Variants in LAMA1 observed in about 807,000 individuals in gnomAD.
LAMA1 encodes laminin subunit alpha 1.
In LAMA1, 219 loss-of-function variants were observed where a neutral mutation model predicts 348.7. The ratio of observed to expected loss-of-function variants is 0.63; its 90% CI spans 0.56 to 0.70. The LOEUF (loss-of-function observed/expected upper bound fraction) is 0.70, where lower values mean the gene tolerates loss of function less well. Ranked by LOEUF, LAMA1 falls within the 30% of genes least tolerant of loss-of-function variation. The probability of loss-of-function intolerance (pLI) is 0.00; values close to 1 mark genes in which losing one functional copy is unlikely to be tolerated. For synonymous variants in LAMA1, 1,487 were observed against 1,491.0 expected, an observed-to-expected ratio of 1.00 and a Z score of 0.06; for missense variants, 3,744 against 3,888.0, an observed-to-expected ratio of 0.96 and a Z score of 0.99.
At chr18:7,025,426 T>G (rs2057938112) in intron 17 of LAMA1, among the ~76,000 whole-genome samples, 1 of 152,178 alleles carries the variant, frequency 6.6e-6, no homozygotes, top group Non-Finnish European at 1.5e-5. Context: ...CACCATCTGG[T>G]GGACAGGCCT....
At chr18:7,032,387 A>C (rs1388519761) in intron 15 of LAMA1, among the ~76,000 whole-genome samples, 6 of 152,172 alleles carry the variant, frequency 3.9e-5, no homozygotes. Flanking sequence ...CCAGTTCCTT[A>C]TTTCTTTTTA....
intron 45 of LAMA1, among the ~76,000 whole-genome samples, chr18:6,975,672 G>A (rs1486972515): frequency 5.9e-5 from 9 of 152,114 alleles, no homozygotes; most frequent in East Asian, 3.9e-4. Context: ...AGGGGTCAAC[G>A]GGGGAATCAC....
At chr18:7,091,142 C>G (rs1273295893) in intron 1 of LAMA1, among the ~76,000 whole-genome samples, 1 of 152,206 alleles carries the variant, frequency 6.6e-6, no homozygotes, top group Non-Finnish European at 1.5e-5. Flanking sequence ...GAGAAAAGAA[C>G]TTTAATTCAT....
intron 3 of LAMA1, among the ~76,000 whole-genome samples, chr18:7,070,945 A>G (rs898584224): frequency 6.0e-5 from 9 of 150,470 alleles, no homozygotes; most frequent in African/African-American, 2.2e-4. Context: ...ACCCAATTCT[A>G]TCAGCCACTG....
chr18:7,000,726 A>G lies in LAMA1; in HGVS notation c.4383-729T>C, dbSNP rs140605437. Among the ~76,000 whole-genome samples the G allele has an allele frequency of 3.3e-5, 5 of 152,346 alleles. No homozygotes were observed. The East Asian group carries it at 5.8e-4, about 18-fold the overall frequency. ...GTGCATGCAAACTACTGGAGACAAC[A>G]ATAAAAAACAAAACCAGTTAGAGCC... On this transcript the variant is annotated intron_variant, in intron 30 of 62. Transcript: ENST00000389658.
At chr18:7,015,321 G>A (rs1295125417) in intron 22 of LAMA1, among the ~76,000 whole-genome samples, 5 of 152,130 alleles carry the variant, frequency 3.3e-5, no homozygotes, top group Non-Finnish European at 7.3e-5. Flanking sequence ...TCAGGCTGAA[G>A]TGCAGTGTTG....
chr18:7,100,693 T>C (rs531143671), intron 1 of LAMA1, among the ~76,000 whole-genome samples: 1 of 152,210 alleles, frequency 6.6e-6, no homozygotes, highest in East Asian at 1.9e-4. Flanking sequence ...TAGAAAACAC[T>C]AACCGAGAGA....
At chr18:6,945,474 A>C (rs1355735612) in intron 61 of LAMA1, among the ~76,000 whole-genome samples, 1 of 152,164 alleles carries the variant, frequency 6.6e-6, no homozygotes, top group Non-Finnish European at 1.5e-5. Context: ...AGTCCTGGGG[A>C]ATCTAGAACA....
intron 1 of LAMA1, among the ~76,000 whole-genome samples, chr18:7,085,584 A>C (rs577290673): frequency 6.6e-6 from 1 of 151,806 alleles, no homozygotes; most frequent in East Asian, 1.9e-4. Context: ...AAGCCCGGCT[A>C]ATTTTTTGTA....
intron 16 of LAMA1, among the ~76,000 whole-genome samples, chr18:7,030,398 A>G (rs1312502703): frequency 6.6e-6 from 1 of 152,204 alleles, no homozygotes; most frequent in Non-Finnish European, 1.5e-5. Context: ...GAGACTAAAA[A>G]GGCAAAGTCA....
At chr18:7,003,423 T>G (rs1473833692) in intron 29 of LAMA1, among the ~76,000 whole-genome samples, 2 of 151,922 alleles carry the variant, frequency 1.3e-5, no homozygotes, top group Non-Finnish European at 2.9e-5. Context: ...GCTAATTTTA[T>G]TTTTATTTTT....
Position 6,993,687 on chromosome 18 carries a change from A to G in LAMA1, c.4962T>C (p.Ser1654=), listed in dbSNP as rs2057768363. 3 of 1,613,512 alleles carry G rather than the reference A, an allele frequency of 1.9e-6. No homozygotes were observed. The highest frequency in any genetic ancestry group is 1.3e-5 in the African/African-American group (1 of 74,740). The change falls in exon 35 of 63, where the codon AGT becomes AGC. Residue 1654 remains serine, a synonymous_variant. Transcript: ENST00000389658. The stretch of plus-strand genomic sequence containing the variant: ...TCTCAATGGCTATGGCCAGGTCTTG[A>G]CTCTCCTTGAAGATTCTCTCAGTTG... ...NRATERIFKE[S]QDLAIAIERL... is the part of the protein sequence containing the mutation.
chr18:7,013,747 A>G (rs1473958443), intron 23 of LAMA1, 68 bp downstream of exon 23: 1 of 1,479,948 alleles, frequency 6.8e-7, no homozygotes, highest in Non-Finnish European at 9.4e-7. Flanking sequence ...TTAGGTAAGT[A>G]GTCAAAGCCC....
chr18:6,980,625 T>C lies in LAMA1; in HGVS notation c.5903A>G (p.Glu1968Gly). 1 of 1,600,254 alleles carries C rather than the reference T, an allele frequency of 6.2e-7. No homozygotes were observed. Among genetic ancestry groups the C allele is most frequent in the South Asian group, 1.1e-5 (1 of 90,772 alleles). ...LSRKLPGIALELSELRNKTNR... is the reference protein window; with the variant it reads ...LSRKLPGIALGLSELRNKTNR... ...TGTCTTATTTCTCAATTCACTCAGT[T>C]CCAATGCAATACCTATTTAAAGGGA... Residue 1968 changes from glutamate (E) to glycine (G), a missense_variant, in exon 42 of 63, where the codon GAA (glutamate) becomes GGA (glycine). By Grantham distance (98) the Glu-to-Gly change is moderately conservative. Around this residue, in one of 3 missense-constraint regions of LAMA1, gnomAD observed 1,983 missense variants for 1,934.3 expected, o/e 1.03. Transcript: ENST00000389658.
chr18:6,980,914 G>GA (rs1282919119), intron 41 of LAMA1, among the ~76,000 whole-genome samples: 1 of 152,072 alleles, frequency 6.6e-6, no homozygotes, highest in Non-Finnish European at 1.5e-5. Flanking sequence ...CTAACACAGT[G>GA]AAACCCCGTC....
rs201901346 is a variant in LAMA1 at position 6,986,299 on chromosome 18, C to A, written c.5217G>T (p.Pro1739=). 4.2e-5 allele frequency: 67 copies of A among 1,614,162 alleles called. No individual in the cohort carries two copies. The highest frequency in any genetic ancestry group is 3.3e-4 in the Middle Eastern group (2 of 6,062). Residue 1739 remains proline (P), a synonymous_variant, in exon 37 of 63, where the codon CCG becomes CCT. Coordinates refer to ENST00000389658, the MANE Select transcript of LAMA1 (RefSeq NM_005559.4). ...CTTTCAATACCTCCAATTCTTCCAG[C>A]GGCTTCTGGTAATTTTCCTGAATTT... ...LSQIQENYQK[P]LEELEVLKEA... is the part of the protein sequence containing the mutation.
At chr18:7,027,740 C>T (rs140515502) in intron 16 of LAMA1, among the ~76,000 whole-genome samples, 7,679 of 152,152 alleles carry the variant, frequency 0.05, 266 homozygotes, top group Middle Eastern at 0.078. Flanking sequence ...GTCAGGAGTT[C>T]GAGACCAGCC....
intron 1 of LAMA1, 63 bp downstream of exon 1, chr18:7,117,597 C>T: frequency 2.6e-6 from 4 of 1,541,984 alleles, no homozygotes; most frequent in Non-Finnish European, 3.5e-6. Flanking sequence ...GGGCTTTGTC[C>T]GCGGCCGCCC....
rs764772195 is a variant in LAMA1, at chr18:6,971,992, C to T, written c.6775-11G>A. ...CACAGCAGGAGATTTCTAATGCAAA[C>T]AAGCAAACAAACATAACCAATATAT... On this transcript the variant is annotated splice_polypyrimidine_tract_variant and intron_variant, in intron 47 of 62. Transcript: ENST00000389658. The T allele has an allele frequency of 2.5e-6, 4 of 1,613,606 alleles. No homozygotes were observed. Among genetic ancestry groups the T allele is most frequent in the Non-Finnish European group, 2.5e-6 (3 of 1,179,958 alleles).
Sources: allele counts gnomAD v4.1 joint callset (sites outside exome capture counted in the v4.1 genomes callset), GRCh38; gene constraint gnomAD v4.1.1; regional missense constraint gnomAD v4.1.1; transcripts MANE v1.5; gene names NCBI Gene and HGNC (gene_info 2026-07-23, HGNC 2026-07-21).